The following ABAT variants were observed in gnomAD, a reference collection of about 807,000 sequenced individuals.
ABAT encodes 4-aminobutyrate aminotransferase, mitochondrial.
Under a neutral mutation model 64.6 loss-of-function variants are expected in ABAT, and 45 were observed. The ratio of observed to expected loss-of-function variants is 0.70; its 90% CI spans 0.55 to 0.89. The LOEUF (loss-of-function observed/expected upper bound fraction) is 0.89. Among genes scored for constraint, ABAT ranks in the 40% least tolerant of loss-of-function variants. The pLI is 0.00. For synonymous variants in ABAT, 297 were observed against 250.5 expected (o/e 1.19, Z -1.75); for missense variants, 633 against 658.4 (o/e 0.96, Z 0.42).
intron 2 of ABAT, among the ~76,000 whole-genome samples, chr16:8,737,920 TAA>T (rs55678780): frequency 2.9e-5 from 2 of 69,656 alleles, no homozygotes; most frequent in Admixed American, 1.8e-4. Flanking sequence ...AGACTGAGAT[TAA>T]AAAAAAAAAA....
intron 1 of ABAT, among the ~76,000 whole-genome samples, chr16:8,734,559 A>G (rs2058856217): frequency 6.6e-6 from 1 of 152,146 alleles, no homozygotes; most frequent in Non-Finnish European, 1.5e-5. Context: ...ACCATGGAGC[A>G]TGGTTGTACA....
At chr16:8,733,892 T>C (rs111527751) in intron 1 of ABAT, among the ~76,000 whole-genome samples, 4,179 of 152,346 alleles carry the variant, frequency 0.027, 206 homozygotes, top group African/African-American at 0.096. Flanking sequence ...ATGCAGTATC[T>C]GACCTTTGGT....
chr16:8,746,163 C>A, intron 3 of ABAT, 65 bp downstream of exon 3: 1 of 1,266,618 alleles, frequency 7.9e-7, no homozygotes, highest in Non-Finnish European at 1.1e-6. Flanking sequence ...GAAGCAAAAG[C>A]ACAGCCAAGC....
At chr16:8,754,711 TTTCTTTCTTTC>T (rs2059601469) in intron 5 of ABAT, among the ~76,000 whole-genome samples, 2 of 127,976 alleles carry the variant, frequency 1.6e-5, no homozygotes, top group East Asian at 2.5e-4. Context: ...TCTTTCTTTC[TTTCTTTCTTTC>T]TTTTTTTTTT....
Position 8,746,103 on chromosome 16 carries a change from G to T in ABAT, c.168+5G>T, listed in dbSNP as rs539641450. 2.5e-6 allele frequency: 4 copies of T among 1,609,956 alleles called. No individual in the cohort carries two copies. The highest frequency in any genetic ancestry group is 3.4e-6 in the Non-Finnish European group (4 of 1,177,080). On this transcript the variant is annotated splice_donor_5th_base_variant and intron_variant, in intron 3 of 15. Coordinates refer to ENST00000268251, the MANE Select transcript of ABAT (RefSeq NM_020686.6). Reference sequence around the variant, plus strand: ...GTCCCAGGGCCTAGATCTCAGGTGAGTTGAGCACACCTGAGTGGGGTATTT... The same window carrying T: ...GTCCCAGGGCCTAGATCTCAGGTGATTTGAGCACACCTGAGTGGGGTATTT...
rs888309560 is a variant in ABAT, at chr16:8,782,934, G to C, written c.*1504G>C. 2.0e-5 allele frequency: 3 copies of C among 151,960 alleles called. No individual in the cohort carries two copies. The highest frequency in any genetic ancestry group is 4.4e-5 in the Non-Finnish European group (3 of 67,966). The allele number at this position is 151,960 out of a possible 1,614,324, so 9.4% of individuals were successfully genotyped here. On this transcript the variant is annotated 3_prime_UTR_variant, in exon 16 of 16. Transcript: ENST00000268251. ...AATCGTCCAAAGATCTCAAAGTAAG[G>C]GTTTTTTTTTTTAGCTTCCACTCTT...
At chr16:8,778,028 T>G (rs187640518) in intron 14 of ABAT, among the ~76,000 whole-genome samples, 1 of 152,208 alleles carries the variant, frequency 6.6e-6, no homozygotes, top group East Asian at 1.9e-4. Context: ...GGACCATGTC[T>G]CCAGTTTCTA....
chr16:8,700,070 C>T lies in ABAT; in HGVS notation c.-42+25359C>T, dbSNP rs552761111. On this transcript the variant is annotated intron_variant, in intron 1 of 15. Transcript: ENST00000268251. Reference sequence around the variant, plus strand: ...TCCTAGGCTCAAGTGATCCACCCACCTCTGCCTCCCAAAGTGCTGGGATTA... The same window carrying T: ...TCCTAGGCTCAAGTGATCCACCCACTTCTGCCTCCCAAAGTGCTGGGATTA... Among the ~76,000 whole-genome samples the T allele has an allele frequency of 7.9e-5, 12 of 152,302 alleles. No individual in the cohort carries two copies. In the East Asian group the frequency reaches 2.3e-3, roughly 29 times the overall value.
chr16:8,755,634 G>A (rs118067572), intron 5 of ABAT, among the ~76,000 whole-genome samples: 6,471 of 152,262 alleles, frequency 0.042, 203 homozygotes, highest in Middle Eastern at 0.15. Context: ...CTTCAGGCCG[G>A]GTTCGGTGGC....
chr16:8,736,112 T>G, intron 2 of ABAT: 1 of 384,534 alleles, frequency 2.6e-6, no homozygotes, highest in Non-Finnish European at 4.9e-6. Context: ...CAAGAGAGCA[T>G]GTGCAGGGGA....
At chr16:8,774,711 T>C (rs2060215202) in intron 12 of ABAT, among the ~76,000 whole-genome samples, 179 bp from the exon 13 acceptor site, 1 of 152,196 alleles carries the variant, frequency 6.6e-6, no homozygotes. Flanking sequence ...ACTGCTCAGC[T>C]TAAGTGTTTT....
intron 1 of ABAT, among the ~76,000 whole-genome samples, chr16:8,729,786 C>T (rs1283881728): frequency 6.7e-6 from 1 of 148,306 alleles, no homozygotes; most frequent in East Asian, 2.0e-4. Context: ...ATGATCACGC[C>T]ACTGCTCTCT....
intron 1 of ABAT, among the ~76,000 whole-genome samples, chr16:8,692,293 A>G (rs117233928): frequency 0.027 from 4,074 of 152,290 alleles, 76 homozygotes; most frequent in Non-Finnish European, 0.044. Flanking sequence ...AGTTGGGAGG[A>G]TAAGCCCAGG....
At chr16:8,729,245 A>G (rs1005790683) in intron 1 of ABAT, among the ~76,000 whole-genome samples, 4 of 152,160 alleles carry the variant, frequency 2.6e-5, no homozygotes, top group Non-Finnish European at 4.4e-5. Flanking sequence ...CAGAGGTTGC[A>G]GTAAGCTAAG....
intron 2 of ABAT, among the ~76,000 whole-genome samples, chr16:8,738,047 A>C (rs2059033805): frequency 6.9e-6 from 1 of 145,110 alleles, no homozygotes; most frequent in African/African-American, 2.6e-5. Context: ...GACAGACAAG[A>C]CAGTGGCTCA....
At chr16:8,742,448 A>T (rs908427910) in intron 2 of ABAT, among the ~76,000 whole-genome samples, 5 of 152,212 alleles carry the variant, frequency 3.3e-5, no homozygotes, top group Admixed American at 6.5e-5. Context: ...TGCTGGAAAC[A>T]AAGCAAGATC....
At position 8,781,688 on chromosome 16, in the gene ABAT, G is replaced by T. The variant is rs737695; in HGVS notation, c.*258G>T. 3.6e-6 allele frequency: 2 copies of T among 555,664 alleles called. No individual in the cohort carries two copies. Among genetic ancestry groups the T allele is most frequent in the South Asian group, 2.0e-5 (1 of 51,118 alleles). The allele number at this position is 555,664 out of a possible 1,614,324, so 34.4% of individuals were successfully genotyped here. ...CCTGCTTGAGCCCTGGACTCATCTT[G>T]GGAAGGGCCATGGGAGGTCCTGGCT... On this transcript the variant is annotated 3_prime_UTR_variant, in exon 16 of 16. Transcript: ENST00000268251. The surrounding 1 kb of genome is among the most constrained non-coding windows in gnomAD (Gnocchi z 4.5).
rs918770508 is a variant in ABAT, at chr16:8,781,775, C to T, written c.*345C>T. The T allele has an allele frequency of 2.6e-6, 1 of 389,722 alleles. No homozygotes were observed. Among genetic ancestry groups the T allele is most frequent in the South Asian group, 2.2e-5 (1 of 44,962 alleles). The allele number at this position is 389,722 out of a possible 1,614,324, so 24.1% of individuals were successfully genotyped here. A position where few individuals can be genotyped will look rare whatever the true frequency, so the allele number is the denominator to read the frequency against. On this transcript the variant is annotated 3_prime_UTR_variant, in exon 16 of 16. Coordinates refer to ENST00000268251, the MANE Select transcript of ABAT (RefSeq NM_020686.6). The surrounding 1 kb of genome is among the most constrained non-coding windows in gnomAD (Gnocchi z 4.5). ...TTCCAAAAGCCAGTCAAGGGCATTA[C>T]ATTTGTTCCTGGGACTGGCAGCTGG...
chr16:8,768,990 G>C lies in ABAT; in HGVS notation c.816+17G>C. On this transcript the variant is annotated intron_variant, in intron 11 of 15. Coordinates refer to ENST00000268251, the MANE Select transcript of ABAT (RefSeq NM_020686.6). ...CTGGAAGAGGTAATGCTCATACCCT[G>C]CGGATCCTCCCCAACCACCAGTCCT... 6.2e-7 allele frequency: 1 copy of C among 1,613,914 alleles called. No individual in the cohort carries two copies. The highest frequency in any genetic ancestry group is 8.5e-7 in the Non-Finnish European group (1 of 1,179,940).
Sources: allele counts gnomAD v4.1 joint callset (sites outside exome capture counted in the v4.1 genomes callset), GRCh38; gene constraint gnomAD v4.1.1; non-coding constraint Gnocchi (gnomAD v3.1); transcripts MANE v1.5; gene names NCBI Gene and HGNC (gene_info 2026-07-23, HGNC 2026-07-21).